The following CDH12 variants were observed in gnomAD, a reference collection of about 807,000 sequenced individuals.
CDH12 encodes cadherin-12.
In CDH12, 41 loss-of-function variants were observed where a neutral mutation model predicts 74.1. The ratio of observed to expected loss-of-function variants is 0.55; its 90% CI spans 0.43 to 0.72. The LOEUF is 0.72. Ranked by LOEUF, CDH12 falls within the 30% of genes least tolerant of loss-of-function variation. CDH12 has a pLI of 0.00. For missense variants in CDH12, 945 were observed against 977.2 expected (o/e 0.97, Z 0.44); for synonymous variants, 399 against 355.0 (o/e 1.12, Z -1.39).
intron 2 of CDH12, among the ~76,000 whole-genome samples, chr5:22,421,469 A>G (rs186536698): frequency 1.9e-4 from 29 of 152,270 alleles, no homozygotes; most frequent in Non-Finnish European, 2.2e-4. Context: ...TATTTCGCTG[A>G]GAATGATAGT....
At chr5:22,185,666 A>G (rs989729605) in intron 4 of CDH12, among the ~76,000 whole-genome samples, 30 of 152,332 alleles carry the variant, frequency 2.0e-4, no homozygotes, top group African/African-American at 7.2e-4. Flanking sequence ...GTCATAAGGT[A>G]AGGGAAGATG....
intron 1 of CDH12, among the ~76,000 whole-genome samples, chr5:22,730,858 T>C (rs992535780): frequency 3.3e-5 from 5 of 151,832 alleles, no homozygotes; most frequent in African/African-American, 9.7e-5. Context: ...AAAATAAAAC[T>C]ACAATAGACA....
intron 5 of CDH12, among the ~76,000 whole-genome samples, chr5:22,067,454 T>C (rs1293549669): frequency 1.3e-5 from 2 of 152,184 alleles, no homozygotes; most frequent in Non-Finnish European, 2.9e-5. Flanking sequence ...TGCATTTAGG[T>C]ACATTACTCT....
intron 3 of CDH12, among the ~76,000 whole-genome samples, chr5:22,386,780 T>A (rs149105744): frequency 2.6e-5 from 4 of 152,116 alleles, no homozygotes; most frequent in African/African-American, 9.6e-5. Context: ...TGTTGTTTAA[T>A]ATGATGATAG....
intron 6 of CDH12, among the ~76,000 whole-genome samples, chr5:21,960,613 G>A (rs1480515943): frequency 6.6e-6 from 1 of 152,066 alleles, no homozygotes; most frequent in Non-Finnish European, 1.5e-5. Context: ...AAATCAGACT[G>A]TAAAAAGTCA....
chr5:22,136,368 T>C (rs189746328), intron 4 of CDH12, among the ~76,000 whole-genome samples: 94 of 152,118 alleles, frequency 6.2e-4, no homozygotes, highest in African/African-American at 2.1e-3. Context: ...TTTTACTTCA[T>C]AGAAGCTCTT....
chr5:22,105,755 T>A (rs1744405307), intron 4 of CDH12, among the ~76,000 whole-genome samples: 1 of 151,052 alleles, frequency 6.6e-6, no homozygotes, highest in African/African-American at 2.4e-5. Flanking sequence ...AATAAAAACA[T>A]CATTTGTGTT....
chr5:21,764,855 CT>C, intron 12 of CDH12, 122 bp downstream of exon 12: 1 of 903,728 alleles, frequency 1.1e-6, no homozygotes, highest in Non-Finnish European at 1.7e-6. Flanking sequence ...TTTATGGTTT[CT>C]TTTATGAAAG....
chr5:21,836,462 A>ACACAC (rs1749541919), intron 8 of CDH12, among the ~76,000 whole-genome samples: 1 of 143,430 alleles, frequency 7.0e-6, no homozygotes, highest in Admixed American at 7.1e-5. Flanking sequence ...TAGAAAGGAA[A>ACACAC]ACACACACAC....
At position 22,185,339 on chromosome 5, in the gene CDH12, C is replaced by T. The variant is rs1749883118; in HGVS notation, c.-187+27159G>A. On this transcript the variant is annotated intron_variant, in intron 4 of 14. Coordinates refer to ENST00000382254, the MANE Select transcript of CDH12 (RefSeq NM_004061.5). ...TCAGCCTCCCAAGTAGCTGGGATTA[C>T]AGGTGTGCACCTCCATGCCTGGCTA... 2.0e-5 allele frequency among the ~76,000 whole-genome samples: 3 copies of T among 152,086 alleles called. 1 individual carries two copies. In the South Asian group the frequency reaches 6.2e-4, roughly 32 times the overall value.
chr5:22,515,116 C>G (rs1296299098), intron 1 of CDH12, among the ~76,000 whole-genome samples: 1 of 151,874 alleles, frequency 6.6e-6, no homozygotes, highest in Non-Finnish European at 1.5e-5. Flanking sequence ...TTATATGTAT[C>G]AAGAAATAAA....
chr5:21,822,260 A>G (rs998181099), intron 8 of CDH12, among the ~76,000 whole-genome samples: 1 of 143,692 alleles, frequency 7.0e-6, no homozygotes, highest in Non-Finnish European at 1.6e-5. Flanking sequence ...TAATATTTGT[A>G]TAGTCTATAT....
chr5:22,614,496 G>A (rs957898497), intron 1 of CDH12, among the ~76,000 whole-genome samples: 5 of 33,012 alleles, frequency 1.5e-4, no homozygotes, highest in South Asian at 8.7e-4. Flanking sequence ...TGCAATGGTC[G>A]TAAGGTGCTC....
rs541733171 is a variant in CDH12 at position 22,172,840 on chromosome 5, T to A, written c.-187+39658A>T. On this transcript the variant is annotated intron_variant, in intron 4 of 14. Coordinates refer to ENST00000382254, the MANE Select transcript of CDH12 (RefSeq NM_004061.5). ...TTAATGCAAATTTTACATAGCAAAA[T>A]GAAAGAAATTTTTAGTTCATTAGAT... Among the ~76,000 whole-genome samples the A allele has an allele frequency of 4.4e-3, 674 of 151,820 alleles. 8 individuals carry two copies. In the Middle Eastern group the frequency reaches 0.059, roughly 13 times the overall value.
intron 3 of CDH12, among the ~76,000 whole-genome samples, chr5:22,239,336 C>CA (rs1752667101): frequency 6.6e-6 from 1 of 151,690 alleles, no homozygotes; most frequent in Non-Finnish European, 1.5e-5. Context: ...TACTGTGAGA[C>CA]AAATTAATTT....
chr5:22,021,116 C>G (rs771983190), intron 5 of CDH12, among the ~76,000 whole-genome samples: 1 of 152,060 alleles, frequency 6.6e-6, no homozygotes, highest in Non-Finnish European at 1.5e-5. Flanking sequence ...GGGGAAAGGA[C>G]CCAAGACTAA....
chr5:21,981,195 TTC>T (rs1021953130), intron 5 of CDH12, among the ~76,000 whole-genome samples: 15 of 152,200 alleles, frequency 9.9e-5, no homozygotes, highest in Non-Finnish European at 1.9e-4. Flanking sequence ...CCACTGTTTA[TTC>T]TCTGTGTTGT....
chr5:22,823,175 T>C (rs971684269), intron 1 of CDH12, among the ~76,000 whole-genome samples: 2 of 143,256 alleles, frequency 1.4e-5, no homozygotes, highest in South Asian at 2.2e-4. Context: ...TAGGTGGGAA[T>C]TGAACAATGA....
chr5:22,060,082 A>G (rs1170134434), intron 5 of CDH12, among the ~76,000 whole-genome samples: 1 of 152,150 alleles, frequency 6.6e-6, no homozygotes, highest in Non-Finnish European at 1.5e-5. Flanking sequence ...TTCAGAATGA[A>G]AAAGGATGTG....
Sources: allele counts gnomAD v4.1 joint callset (sites outside exome capture counted in the v4.1 genomes callset), GRCh38; gene constraint gnomAD v4.1.1; transcripts MANE v1.5; gene names NCBI Gene and HGNC (gene_info 2026-07-23, HGNC 2026-07-21).